Variants in RBPMS observed in about 807,000 individuals in gnomAD.
RBPMS encodes RNA binding protein, mRNA processing factor, also known as RNA-binding protein with multiple splicing.
RBPMS carries 7 observed loss-of-function variants against 26.8 expected under a neutral mutation model. The ratio of observed to expected loss-of-function variants is 0.26; its 90% CI spans 0.15 to 0.49. The LOEUF (loss-of-function observed/expected upper bound fraction) is 0.49. Among genes scored for constraint, RBPMS ranks in the 20% least tolerant of loss-of-function variants. The pLI is 0.98. For missense variants in RBPMS, 186 were observed against 250.0 expected (o/e 0.74, Z 1.73); for synonymous variants, 96 against 93.3 (o/e 1.03, Z -0.17).
chr8:30,562,061 T>C (rs1298665925), intron 7 of RBPMS: 5 of 984,438 alleles, frequency 5.1e-6, no homozygotes, highest in Non-Finnish European at 4.8e-6. Flanking sequence ...CCAGGCGCAG[T>C]GCCTCACGCC....
At chr8:30,451,816 A>G (rs1814619873) in intron 1 of RBPMS, among the ~76,000 whole-genome samples, 1 of 152,184 alleles carries the variant, frequency 6.6e-6, no homozygotes, top group Non-Finnish European at 1.5e-5. Context: ...AATCTCTCCT[A>G]TCTTTTAGGG....
chr8:30,493,335 C>T (rs746759372), intron 4 of RBPMS, among the ~76,000 whole-genome samples: 1 of 152,104 alleles, frequency 6.6e-6, no homozygotes, highest in Non-Finnish European at 1.5e-5. Flanking sequence ...GACATTGATG[C>T]AAAGGGGAAA....
intron 1 of RBPMS, among the ~76,000 whole-genome samples, chr8:30,451,587 C>T (rs1200199302): frequency 3.3e-5 from 5 of 152,188 alleles, no homozygotes; most frequent in African/African-American, 7.2e-5. Context: ...ATTTCAGGCT[C>T]TCTAGAAGTG....
rs189183131 is a variant in RBPMS at position 30,450,643 on chromosome 8, A to G, written c.67-24136A>G. Among the ~76,000 whole-genome samples, 13 of 152,262 alleles carry G rather than the reference A, an allele frequency of 8.5e-5. No homozygotes were observed. The Middle Eastern group carries it at 0.01, about 120-fold the overall frequency. On this transcript the variant is annotated intron_variant, in intron 1 of 8. Coordinates refer to ENST00000397323, the MANE Select transcript of RBPMS (RefSeq NM_001008710.3). ...CACTTGAAAGAGAAGAAGTCATCTC[A>G]TAAAGTGCTGCATAGTATTTCCAGA...
intron 1 of RBPMS, among the ~76,000 whole-genome samples, chr8:30,428,464 A>T (rs892035320): frequency 6.6e-6 from 1 of 152,196 alleles, no homozygotes; most frequent in Non-Finnish European, 1.5e-5. Context: ...TCAAAAAAAA[A>T]AATCAGCAGT....
chr8:30,440,421 T>G (rs1392282845), intron 1 of RBPMS, among the ~76,000 whole-genome samples: 1 of 152,220 alleles, frequency 6.6e-6, no homozygotes, highest in African/African-American at 2.4e-5. Context: ...ACTAGTTAGA[T>G]ACATCATGTA....
At chr8:30,541,048 C>CA (rs1825336630) in intron 5 of RBPMS, among the ~76,000 whole-genome samples, 1 of 151,926 alleles carries the variant, frequency 6.6e-6, no homozygotes, top group African/African-American at 2.4e-5. Flanking sequence ...TTTCAGGAGG[C>CA]AAAAAAGTTC....
At chr8:30,518,689 T>TTTTTTTTTTTTTTG (rs1822640267) in intron 5 of RBPMS, among the ~76,000 whole-genome samples, 1 of 98,198 alleles carries the variant, frequency 1.0e-5, no homozygotes, top group African/African-American at 5.3e-5. Flanking sequence ...AAGCATGACT[T>TTTTTTTTTTTTTTG]TTTTTTTTTT....
chr8:30,479,459 G>A, intron 4 of RBPMS, 82 bp downstream of exon 4: 1 of 1,025,856 alleles, frequency 9.7e-7, no homozygotes, highest in Non-Finnish European at 1.5e-6. Flanking sequence ...GGGAAATCAA[G>A]TGGAAAGAAT....
chr8:30,453,834 T>G (rs116919465), intron 1 of RBPMS: 1 of 152,170 alleles, frequency 6.6e-6, no homozygotes, highest in Non-Finnish European at 1.5e-5. Flanking sequence ...TATTTGTATG[T>G]TTTTTTAAAA....
intron 1 of RBPMS, among the ~76,000 whole-genome samples, chr8:30,414,698 A>G (rs1809855040): frequency 6.6e-6 from 1 of 152,164 alleles, no homozygotes; most frequent in South Asian, 2.1e-4. Flanking sequence ...TTTCTTAAAC[A>G]GATTTTTTTT....
In RBPMS at chr8:30,384,999, C is replaced by A. The variant is rs558161714; in HGVS notation, c.-94C>A. The A allele has an allele frequency of 3.9e-5, 38 of 979,372 alleles. No individual in the cohort carries two copies. The African/African-American group carries it at 5.4e-4, about 14-fold the overall frequency. The allele number at this position is 979,372 out of a possible 1,614,324, so 60.7% of individuals were successfully genotyped here. A position where few individuals can be genotyped will look rare whatever the true frequency, so the allele number is the denominator to read the frequency against. ...AGCCCGCGGCGCCCGCCCGAGGGAG[C>A]CCCGGCGCCCGGGGAAGGCTCCAGT... On this transcript the variant is annotated 5_prime_UTR_variant, in exon 1 of 9. Coordinates refer to ENST00000397323, the MANE Select transcript of RBPMS (RefSeq NM_001008710.3). This position sits in a 1 kb window ranked among gnomAD's most constrained non-coding sequence, Gnocchi z 5.6.
intron 6 of RBPMS, chr8:30,556,200 C>CT (rs1369525573): frequency 1.0e-6 from 1 of 985,324 alleles, no homozygotes; most frequent in Non-Finnish European, 1.2e-6. Context: ...CACATCCACT[C>CT]TGAGGAGCAG....
chr8:30,474,701 T>A, intron 1 of RBPMS, 78 bp from the exon 2 acceptor site: 1 of 792,724 alleles, frequency 1.3e-6, no homozygotes, highest in Non-Finnish European at 2.2e-6. Context: ...TGGAATAATA[T>A]GTTTCTGAGA....
In RBPMS at chr8:30,549,772, T is replaced by TTCTCTCTCTCTC. The variant is rs1181705539; in HGVS notation, c.528+5161_528+5172dup. Among the ~76,000 whole-genome samples the TTCTCTCTCTCTC allele has an allele frequency of 1.6e-3, 111 of 71,176 alleles. 1 individual carries two copies. Among genetic ancestry groups the TTCTCTCTCTCTC allele is most frequent in the African/African-American group, 5.0e-3 (67 of 13,302 alleles). The allele number at this position is 71,176 out of a possible 152,430, so 46.7% of individuals were successfully genotyped here. Reference sequence around the variant, plus strand: ...TTTCCTTTTCTTTTCTTTTCTTTTCTTCTCTCTCTCTCTCTCTCTCTCTCC... The same window carrying TTCTCTCTCTCTC: ...TTTCCTTTTCTTTTCTTTTCTTTTCTTCTCTCTCTCTCTCTCTCTCTCTCTCTCTCTCTCTCC... On this transcript the variant is annotated intron_variant, in intron 6 of 8. Coordinates refer to ENST00000397323, the MANE Select transcript of RBPMS (RefSeq NM_001008710.3).
intron 1 of RBPMS, among the ~76,000 whole-genome samples, chr8:30,410,545 T>A (rs1394291104): frequency 6.7e-6 from 1 of 150,268 alleles, no homozygotes; most frequent in Non-Finnish European, 1.5e-5. Flanking sequence ...GACTTTAAAA[T>A]ATATATATAG....
intron 1 of RBPMS, among the ~76,000 whole-genome samples, chr8:30,460,810 A>G (rs1032944136): frequency 1.3e-5 from 2 of 152,182 alleles, no homozygotes; most frequent in Admixed American, 1.3e-4. Context: ...TAATCCCAGC[A>G]CTTTGGGAGG....
chr8:30,417,650 G>A (rs917483974), intron 1 of RBPMS, among the ~76,000 whole-genome samples: 1 of 152,124 alleles, frequency 6.6e-6, no homozygotes, highest in African/African-American at 2.4e-5. Context: ...ACGGTTTAAT[G>A]TGCATCTTTT....
intron 8 of RBPMS, among the ~76,000 whole-genome samples, chr8:30,568,390 G>T (rs547242640): frequency 6.6e-6 from 1 of 152,158 alleles, no homozygotes; most frequent in Non-Finnish European, 1.5e-5. Context: ...GACTGGGTAC[G>T]AAGAGACCGC....
Sources: gnomAD v4.1 joint callset for allele counts (sites outside exome capture counted in the v4.1 genomes callset) on GRCh38, gnomAD v4.1.1 for gene constraint, Gnocchi (gnomAD v3.1) non-coding constraint, MANE v1.5 for transcripts, NCBI Gene and HGNC (gene_info 2026-07-23, HGNC 2026-07-21) for gene names.